CNTNAP2: variants seen among roughly 807,000 people sequenced by gnomAD.
The protein encoded by CNTNAP2 is contactin-associated protein-like 2.
In CNTNAP2, 98 loss-of-function variants were observed where a neutral mutation model predicts 155.2. That is an observed-to-expected ratio of 0.63 (90% CI 0.54 to 0.75). The LOEUF (loss-of-function observed/expected upper bound fraction) is 0.75. Ranked by LOEUF, CNTNAP2 falls within the 30% of genes least tolerant of loss-of-function variation. The pLI is 0.00. For missense variants in CNTNAP2, 1,727 were observed against 1,688.1 expected, an observed-to-expected ratio of 1.02 and a Z score of -0.40; for synonymous variants, 651 against 631.2, an observed-to-expected ratio of 1.03 and a Z score of -0.47.
At chr7:146,664,696 A>G (rs1253535021) in intron 1 of CNTNAP2, among the ~76,000 whole-genome samples, 1 of 152,164 alleles carries the variant, frequency 6.6e-6, no homozygotes, top group Non-Finnish European at 1.5e-5. Flanking sequence ...TATTGTTAGC[A>G]AGATTGTTTA....
intron 1 of CNTNAP2, among the ~76,000 whole-genome samples, chr7:146,422,973 A>G (rs887924812): frequency 6.6e-6 from 1 of 152,108 alleles, no homozygotes; most frequent in Non-Finnish European, 1.5e-5. Context: ...AGCTCTCTGT[A>G]TTTTCTGTGA....
intron 3 of CNTNAP2, among the ~76,000 whole-genome samples, chr7:146,862,247 A>C (rs897224135): frequency 1.3e-5 from 2 of 152,160 alleles, no homozygotes; most frequent in African/African-American, 4.8e-5. Context: ...TATTGAATTA[A>C]TTCTTTACTT....
At chr7:147,998,354 G>A (rs1447912182) in intron 15 of CNTNAP2, among the ~76,000 whole-genome samples, 1 of 151,858 alleles carries the variant, frequency 6.6e-6, no homozygotes, top group African/African-American at 2.4e-5. Flanking sequence ...CTGGTGATCC[G>A]CCCACCTTGG....
chr7:147,748,292 C>A (rs146561765), intron 13 of CNTNAP2, among the ~76,000 whole-genome samples: 1,666 of 152,038 alleles, frequency 0.011, 96 homozygotes, highest in Admixed American at 0.087. Context: ...ACTCCAAGGT[C>A]AATGGAGTGA....
At chr7:146,152,646 T>A (rs1798068923) in intron 1 of CNTNAP2, among the ~76,000 whole-genome samples, 1 of 152,166 alleles carries the variant, frequency 6.6e-6, no homozygotes, top group Non-Finnish European at 1.5e-5. Context: ...CATACAATTA[T>A]ATCTGTCAGT....
intron 13 of CNTNAP2, among the ~76,000 whole-genome samples, chr7:147,684,248 G>T (rs192195456): frequency 3.2e-4 from 49 of 151,880 alleles, no homozygotes; most frequent in African/African-American, 1.2e-3. Context: ...CCTTATCAGC[G>T]TGTGTGTTTT....
intron 21 of CNTNAP2, among the ~76,000 whole-genome samples, chr7:148,327,280 C>T (rs1797909482): frequency 6.6e-6 from 1 of 152,142 alleles, no homozygotes; most frequent in Non-Finnish European, 1.5e-5. Context: ...ATAAGTGTAG[C>T]TCCGACATGA....
intron 12 of CNTNAP2, among the ~76,000 whole-genome samples, chr7:147,602,604 A>G (rs7805799): frequency 0.99 from 147,465 of 148,726 alleles, 73,111 homozygotes; most frequent in East Asian, 1. Context: ...TCGTCATTTA[A>G]CATTAGGTAT....
chr7:147,056,047 A>G (rs1171608617), intron 4 of CNTNAP2, among the ~76,000 whole-genome samples: 1 of 152,188 alleles, frequency 6.6e-6, no homozygotes, highest in East Asian at 1.9e-4. Flanking sequence ...TGCTTTGTGT[A>G]AATTTGATTT....
intron 1 of CNTNAP2, among the ~76,000 whole-genome samples, chr7:146,772,799 T>C (rs1474295885): frequency 6.6e-6 from 1 of 151,728 alleles, no homozygotes; most frequent in Non-Finnish European, 1.5e-5. Context: ...GTAGCAGGGG[T>C]TGGGCAGGGG....
chr7:147,431,460 C>G (rs1203929530), intron 10 of CNTNAP2, among the ~76,000 whole-genome samples: 1 of 152,104 alleles, frequency 6.6e-6, no homozygotes, highest in Non-Finnish European at 1.5e-5. Flanking sequence ...TGAGTCTGTC[C>G]CATATTAATC....
chr7:146,321,713 A>G (rs1801004636), intron 1 of CNTNAP2, among the ~76,000 whole-genome samples: 1 of 152,122 alleles, frequency 6.6e-6, no homozygotes, highest in Non-Finnish European at 1.5e-5. Context: ...GTGATGGACA[A>G]AGCTAGGAAA....
chr7:147,273,387 G>GTACA (rs1271768099), intron 8 of CNTNAP2, among the ~76,000 whole-genome samples: 3 of 151,974 alleles, frequency 2.0e-5, no homozygotes, highest in Non-Finnish European at 4.4e-5. Flanking sequence ...GATTCAGAGG[G>GTACA]TACATGTGCA....
rs574728447 is a variant in CNTNAP2, at chr7:147,012,411, TA to T, written c.403-31492del. 2.0e-5 allele frequency among the ~76,000 whole-genome samples: 3 copies of T among 152,246 alleles called. No individual in the cohort carries two copies. The South Asian group carries it at 6.2e-4, about 32-fold the overall frequency. On this transcript the variant is annotated intron_variant, in intron 3 of 23. Coordinates refer to ENST00000361727, the MANE Select transcript of CNTNAP2 (RefSeq NM_014141.6). Reference sequence around the variant, plus strand: ...AATAAAATGTGCTTCATAGTATTCTTAAAATTTTTGCTGTAAGTTTAAAATT... The same window carrying T: ...AATAAAATGTGCTTCATAGTATTCTTAAATTTTTGCTGTAAGTTTAAAATT...
intron 13 of CNTNAP2, among the ~76,000 whole-genome samples, chr7:147,802,568 GCTGGAGACCA>G: frequency 6.6e-6 from 1 of 152,308 alleles, no homozygotes. Context: ...GCGGTTACGA[GCTGGAGACCA>G]GCCCGGCCAA....
In CNTNAP2 at chr7:146,762,483, C is replaced by T. The variant is rs941365515; in HGVS notation, c.98-11788C>T. Among the ~76,000 whole-genome samples the T allele has an allele frequency of 9.2e-5, 14 of 152,080 alleles. 1 individual carries two copies. The highest frequency in any genetic ancestry group is 2.9e-4 in the African/African-American group (12 of 41,408). ...ACGTGGTGGCACATGACTGTAATCC[C>T]AGCTACTTGGGAGGCTGAGGCAGGA... On this transcript the variant is annotated intron_variant, in intron 1 of 23. Coordinates refer to ENST00000361727, the MANE Select transcript of CNTNAP2 (RefSeq NM_014141.6).
chr7:146,826,360 T>A (rs1388039367), intron 2 of CNTNAP2, among the ~76,000 whole-genome samples: 1 of 152,142 alleles, frequency 6.6e-6, no homozygotes, highest in African/African-American at 2.4e-5. Context: ...CTATGTGAGT[T>A]AAAGGAATAT....
Position 147,320,810 on chromosome 7 carries a change from A to G in CNTNAP2, c.1498+20520A>G, listed in dbSNP as rs74817522. Among the ~76,000 whole-genome samples the G allele has an allele frequency of 1.6e-3, 251 of 152,274 alleles. 3 individuals carry two copies. The highest frequency in any genetic ancestry group is 5.6e-3 in the African/African-American group (233 of 41,544). ...CTCGCAGAGGTCCCTATGAGAAGCC[A>G]TATCGTGATCCTATCTGAGAAGGGC... On this transcript the variant is annotated intron_variant, in intron 9 of 23. Transcript: ENST00000361727.
chr7:147,548,434 C>T (rs1196285997), intron 11 of CNTNAP2, among the ~76,000 whole-genome samples: 1 of 151,984 alleles, frequency 6.6e-6, no homozygotes, highest in Non-Finnish European at 1.5e-5. Flanking sequence ...ATATTATTTG[C>T]CCACTTTTTG....
Sources: allele counts gnomAD v4.1 joint callset (sites outside exome capture counted in the v4.1 genomes callset), GRCh38; gene constraint gnomAD v4.1.1; transcripts MANE v1.5; gene names NCBI Gene and HGNC (gene_info 2026-07-23, HGNC 2026-07-21).